Variants in MACROD2 observed in about 807,000 individuals in gnomAD.
The protein encoded by MACROD2 is mono-ADP ribosylhydrolase 2, also known as ADP-ribose glycohydrolase MACROD2.
MACROD2 carries 36 observed loss-of-function variants against 70.4 expected under a neutral mutation model. The observed-to-expected ratio is 0.51, with a 90% CI of 0.39 to 0.68. The LOEUF (loss-of-function observed/expected upper bound fraction) is 0.68. MACROD2 is among the 30% of genes least tolerant of loss of function. The probability of loss-of-function intolerance (pLI) is 0.00; values close to 1 mark genes in which losing one functional copy is unlikely to be tolerated. For missense variants in MACROD2, 496 were observed against 538.4 expected (o/e 0.92, Z 0.78); for synonymous variants, 172 against 178.8 (o/e 0.96, Z 0.30).
At chr20:14,325,114 G>GTT (rs397866154) in intron 3 of MACROD2, 9 of 146,018 alleles carry the variant, frequency 6.2e-5, no homozygotes, top group South Asian at 2.2e-4. Flanking sequence ...CATTCAGCCA[G>GTT]TTTTTTTTTT....
chr20:14,244,165 A>G (rs2081950950), intron 3 of MACROD2, among the ~76,000 whole-genome samples: 1 of 152,204 alleles, frequency 6.6e-6, no homozygotes, highest in South Asian at 2.1e-4. Flanking sequence ...TAGCTGGGGA[A>G]ACTGAGTCAG....
In MACROD2 at chr20:15,245,732, G is replaced by A. The variant is rs115940616; in HGVS notation, c.540+15671G>A. ...TTTGTGTTGAATGATTTTGCTCGACGGTTGTCTAATGTAAGTGTTCTGAGC... is the reference window on the plus strand; with the variant it reads ...TTTGTGTTGAATGATTTTGCTCGACAGTTGTCTAATGTAAGTGTTCTGAGC... On this transcript the variant is annotated intron_variant, in intron 6 of 17. Coordinates refer to ENST00000684519, the MANE Select transcript of MACROD2 (RefSeq NM_001351661.2). Among the ~76,000 whole-genome samples, 381 of 152,184 alleles carry A rather than the reference G, an allele frequency of 2.5e-3. 2 individuals are homozygous for A. The highest frequency in any genetic ancestry group is 8.4e-3 in the African/African-American group (350 of 41,538).
rs932681965 is a variant in MACROD2 at position 16,046,930 on chromosome 20, C to T, written c.1300+2291C>T. Among the ~76,000 whole-genome samples the T allele has an allele frequency of 2.8e-4, 43 of 152,058 alleles. 3 individuals carry two copies. Among genetic ancestry groups the T allele is most frequent in the Non-Finnish European group, 1.5e-5 (1 of 68,012 alleles). On this transcript the variant is annotated intron_variant, in intron 17 of 17. Transcript: ENST00000684519. ...TTCCTGATCTCAAGTGATCTACTTG[C>T]CTCGGCCTCCCAAAGTGCTGGGATT... is the stretch of plus-strand genomic sequence containing the variant.
chr20:14,177,455 T>C (rs112651437), intron 3 of MACROD2, among the ~76,000 whole-genome samples: 2,841 of 152,112 alleles, frequency 0.019, 48 homozygotes, highest in Non-Finnish European at 0.024. Context: ...TAGCTGGGAT[T>C]ACAGGTATGC....
At chr20:14,488,953 A>G (rs978521727) in intron 3 of MACROD2, among the ~76,000 whole-genome samples, 9 of 152,186 alleles carry the variant, frequency 5.9e-5, no homozygotes, top group African/African-American at 2.2e-4. Flanking sequence ...CATCCCAAGT[A>G]AGACTTCCAA....
At chr20:14,175,920 C>A (rs1318829555) in intron 3 of MACROD2, among the ~76,000 whole-genome samples, 2 of 152,100 alleles carry the variant, frequency 1.3e-5, no homozygotes, top group Non-Finnish European at 2.9e-5. Context: ...AACCTAATGT[C>A]TTATAGGCAA....
chr20:15,312,615 G>C (rs2077765233), intron 6 of MACROD2, among the ~76,000 whole-genome samples: 1 of 152,098 alleles, frequency 6.6e-6, no homozygotes, highest in Non-Finnish European at 1.5e-5. Context: ...ATAAATTAAA[G>C]GAAATGTATG....
At chr20:15,928,019 T>A (rs924796312) in intron 10 of MACROD2, among the ~76,000 whole-genome samples, 25 of 152,340 alleles carry the variant, frequency 1.6e-4, no homozygotes, top group African/African-American at 5.5e-4. Flanking sequence ...CCTAGATTGC[T>A]ATTAGGTTAT....
chr20:15,389,899 CAAAATCAGGGTAAATAATGG>C (rs1165810961), intron 6 of MACROD2, among the ~76,000 whole-genome samples: 5 of 151,944 alleles, frequency 3.3e-5, no homozygotes, highest in Non-Finnish European at 7.4e-5. Flanking sequence ...ATTTGTTTTG[CAAAATCAGGGTAAATAATGG>C]AAAAACAATA....
At position 15,254,937 on chromosome 20, in the gene MACROD2, T is replaced by A. The variant is rs1364382886; in HGVS notation, c.540+24876T>A. 1.0e-3 allele frequency among the ~76,000 whole-genome samples: 148 copies of A among 146,968 alleles called. 1 individual carries two copies. Among genetic ancestry groups the A allele is most frequent in the Middle Eastern group, 3.5e-3 (1 of 288 alleles). On this transcript the variant is annotated intron_variant, in intron 6 of 17. Transcript: ENST00000684519. The stretch of plus-strand genomic sequence containing the variant: ...TTGGGGCCAAAGCACACCTTTTTTT[T>A]TTTTTTTTTTTTTTTTTCAGTTAAG...
chr20:15,040,593 T>C (rs953888025), intron 5 of MACROD2, among the ~76,000 whole-genome samples: 1 of 152,184 alleles, frequency 6.6e-6, no homozygotes, highest in Non-Finnish European at 1.5e-5. Flanking sequence ...CATGTTTCAT[T>C]CCCTTGTATG....
At chr20:15,087,914 T>C (rs372764221) in intron 5 of MACROD2, among the ~76,000 whole-genome samples, 32 of 152,000 alleles carry the variant, frequency 2.1e-4, no homozygotes, top group African/African-American at 7.7e-4. Flanking sequence ...TATAAAGATA[T>C]GTTTAACCTT....
chr20:14,172,305 T>TTC (rs2081228771), intron 3 of MACROD2, among the ~76,000 whole-genome samples: 1 of 144,540 alleles, frequency 6.9e-6, no homozygotes, highest in Non-Finnish European at 1.5e-5. Context: ...TTCCGTACCT[T>TTC]TTTTTTTTTT....
At chr20:15,096,727 G>C (rs1057287447) in intron 5 of MACROD2, among the ~76,000 whole-genome samples, 1 of 151,456 alleles carries the variant, frequency 6.6e-6, no homozygotes, top group Non-Finnish European at 1.5e-5. Flanking sequence ...GACCAGGCTG[G>C]TCTGGAGCTC....
chr20:14,837,163 T>A (rs1377712627), intron 5 of MACROD2, among the ~76,000 whole-genome samples: 1 of 151,992 alleles, frequency 6.6e-6, no homozygotes, highest in Non-Finnish European at 1.5e-5. Context: ...GTATGCATAA[T>A]AAATATCTAG....
chr20:15,672,101 G>A (rs1194771369), intron 8 of MACROD2, among the ~76,000 whole-genome samples: 1 of 152,134 alleles, frequency 6.6e-6, no homozygotes, highest in African/African-American at 2.4e-5. Flanking sequence ...AAATAGTAAG[G>A]TTTACACTGG....
At chr20:15,252,407 A>T (rs894530908) in intron 6 of MACROD2, among the ~76,000 whole-genome samples, 1 of 152,168 alleles carries the variant, frequency 6.6e-6, no homozygotes, top group Non-Finnish European at 1.5e-5. Context: ...ATGTCCATAG[A>T]GGCAGCTCCA....
At chr20:14,893,206 C>T (rs1419836905) in intron 5 of MACROD2, 1 of 152,012 alleles carries the variant, frequency 6.6e-6, no homozygotes, top group Non-Finnish European at 1.5e-5. Context: ...TTTTGATGAA[C>T]ATTTGGGTTA....
intron 3 of MACROD2, among the ~76,000 whole-genome samples, chr20:14,433,252 G>A (rs1193952362): frequency 6.6e-6 from 1 of 152,096 alleles, no homozygotes; most frequent in African/African-American, 2.4e-5. Flanking sequence ...TGAAAGAGAC[G>A]TAAAACACAT....
Sources: gnomAD v4.1 joint callset for allele counts (sites outside exome capture counted in the v4.1 genomes callset) on GRCh38, gnomAD v4.1.1 for gene constraint, MANE v1.5 for transcripts, NCBI Gene and HGNC (gene_info 2026-07-23, HGNC 2026-07-21) for gene names.